Variants in BRF1 observed in about 807,000 individuals in gnomAD.
The protein encoded by BRF1 is BRF1 general transcription factor IIIB subunit.
BRF1 carries 59 observed loss-of-function variants against 81.7 expected under a neutral mutation model. That is an observed-to-expected ratio of 0.72 (90% CI 0.59 to 0.90). The LOEUF is 0.90. Ranked by LOEUF, BRF1 falls within the 40% of genes least tolerant of loss-of-function variation. BRF1 has a pLI of 0.00. For synonymous variants in BRF1, 491 were observed against 395.6 expected, an observed-to-expected ratio of 1.24 and a Z score of -2.86; for missense variants, 1,050 against 936.3, an observed-to-expected ratio of 1.12 and a Z score of -1.58.
At chr14:105,246,608 T>A (rs587732813) in intron 5 of BRF1, among the ~76,000 whole-genome samples, 17 of 152,064 alleles carry the variant, frequency 1.1e-4, no homozygotes, top group African/African-American at 3.9e-4. Context: ...TAGCTGGGAT[T>A]ACAGGTGCCC....
intron 12 of BRF1, 110 bp from the exon 13 acceptor site, chr14:105,219,342 C>A (rs587620036): frequency 6.5e-7 from 1 of 1,545,252 alleles, no homozygotes; most frequent in Non-Finnish European, 8.7e-7. Flanking sequence ...AAGGGGAACC[C>A]GGGGCAGCCT....
intron 3 of BRF1, among the ~76,000 whole-genome samples, chr14:105,256,821 G>A (rs587625436): frequency 6.6e-6 from 1 of 152,290 alleles, no homozygotes; most frequent in South Asian, 2.1e-4. Flanking sequence ...AGCCGGGTCG[G>A]GGGAACCAGA....
At chr14:105,217,940 C>G (rs587768855) in intron 14 of BRF1, 140 bp from the exon 15 acceptor site, 23 of 1,360,536 alleles carry the variant, frequency 1.7e-5, no homozygotes, top group South Asian at 1.6e-4. Context: ...CCTCCTCCCC[C>G]CAGAATGTGG....
At chr14:105,221,190 A>G (rs1299941821) in intron 11 of BRF1, among the ~76,000 whole-genome samples, 1 of 152,204 alleles carries the variant, frequency 6.6e-6, no homozygotes, top group Non-Finnish European at 1.5e-5. Flanking sequence ...GCTCCCAGCC[A>G]AATGGGCAAG....
intron 11 of BRF1, 82 bp downstream of exon 11, chr14:105,221,566 A>T (rs1892290194): frequency 1.3e-6 from 2 of 1,525,182 alleles, no homozygotes; most frequent in Non-Finnish European, 1.7e-6. Context: ...GGATGGCAGC[A>T]TCCGGCTCTC....
At chr14:105,251,743 C>T (rs587691306) in intron 5 of BRF1, among the ~76,000 whole-genome samples, 4 of 152,002 alleles carry the variant, frequency 2.6e-5, no homozygotes, top group South Asian at 4.2e-4. Flanking sequence ...GGCCTCTAAG[C>T]GGGCCATGGA....
chr14:105,283,576 T>C (rs2057199174), intron 2 of BRF1, among the ~76,000 whole-genome samples: 1 of 152,230 alleles, frequency 6.6e-6, no homozygotes, highest in Non-Finnish European at 1.5e-5. Context: ...GTTCCAATTT[T>C]CATTTCTTTC....
Position 105,300,720 on chromosome 14 carries a change from AGCCGCCCAG to A in BRF1, c.-100_-92del. ...CAGCCCGCGCCGCCCGCCCAGGCCC[AGCCGCCCAG>A]GCCTCGCCGCTCTCGCGAGGCCCCG... is the stretch of plus-strand genomic sequence containing the variant. On this transcript the variant is annotated 5_prime_UTR_variant, in exon 1 of 18. Transcript: ENST00000547530. 1 of 1,044,634 alleles carries A rather than the reference AGCCGCCCAG, an allele frequency of 9.6e-7. No homozygotes were observed. Among genetic ancestry groups the A allele is most frequent in the East Asian group, 3.6e-5 (1 of 28,076 alleles). 64.7% of individuals were successfully genotyped at this position (1,044,634 alleles called of 1,614,324 possible).
At chr14:105,241,629 C>G in intron 5 of BRF1, 1 of 627,310 alleles carries the variant, frequency 1.6e-6, no homozygotes, top group Non-Finnish European at 2.8e-6. Flanking sequence ...TGCTGCCAGC[C>G]AGCCTGCTGC....
chr14:105,286,514 A>T (rs1052281350), intron 1 of BRF1, 138 bp from the exon 2 acceptor site: 6 of 830,382 alleles, frequency 7.2e-6, no homozygotes, highest in Non-Finnish European at 1.2e-5. Context: ...GGCCCCCCGC[A>T]CCTCCGTCAC....
intron 1 of BRF1, among the ~76,000 whole-genome samples, chr14:105,310,562 T>C (rs1446188259): frequency 6.6e-6 from 1 of 150,986 alleles, no homozygotes; most frequent in African/African-American, 2.4e-5. Context: ...AAAAGAATGT[T>C]ACCCTAGTGA....
chr14:105,250,679 C>T (rs745557658), intron 5 of BRF1: 26 of 1,598,450 alleles, frequency 1.6e-5, no homozygotes, highest in Middle Eastern at 4.2e-4. Context: ...CTGAGGTGCC[C>T]GGGGAGGCTG....
At chr14:105,226,424 T>C in intron 8 of BRF1, 134 bp from the exon 9 acceptor site, 1 of 1,452,670 alleles carries the variant, frequency 6.9e-7, no homozygotes, top group Non-Finnish European at 9.5e-7. Context: ...GGTGGAGCTA[T>C]GGGCCTGTGT....
chr14:105,246,024 A>G (rs1477332693), intron 5 of BRF1, among the ~76,000 whole-genome samples: 2 of 152,232 alleles, frequency 1.3e-5, no homozygotes, highest in Admixed American at 6.5e-5. Flanking sequence ...TCTATCTCAT[A>G]AGGGGTTAAC....
rs587638485 is a variant in BRF1, at chr14:105,273,431, C to T, written c.266-537G>A. Among the ~76,000 whole-genome samples, 12 of 152,324 alleles carry T rather than the reference C, an allele frequency of 7.9e-5. No individual in the cohort carries two copies. The South Asian group carries it at 2.3e-3, about 29-fold the overall frequency. On this transcript the variant is annotated intron_variant, in intron 2 of 17. Transcript: ENST00000547530. ...CCGGCCTGAGAAAAAGCCAGGCTAG[C>T]GCCATCCCCTGCACCTGCCCAGAGG... is the stretch of plus-strand genomic sequence containing the variant.
chr14:105,211,049 C>G, intron 17 of BRF1, 73 bp downstream of exon 17: 1 of 1,564,048 alleles, frequency 6.4e-7, no homozygotes, highest in East Asian at 2.3e-5. Flanking sequence ...GGCCCAAGTT[C>G]AGGGATCATG....
chr14:105,219,631 G>T lies in BRF1; in HGVS notation c.1378-399C>A, dbSNP rs587682870. 624 of 404,850 alleles carry T rather than the reference G, an allele frequency of 1.5e-3. 1 individual carries two copies. The highest frequency in any genetic ancestry group is 8.3e-3 in the South Asian group (187 of 22,620). 25.1% of individuals were successfully genotyped at this position (404,850 alleles called of 1,614,324 possible). ...ACGTGGCCATGAAATCAGGGAAGAC[G>T]ACTTCCTGCCTGACAGAGGGCAAGT... On this transcript the variant is annotated intron_variant, in intron 12 of 17. Transcript: ENST00000547530.
At chr14:105,219,126 G>A (rs748259178) in intron 13 of BRF1, 25 bp downstream of exon 13, 1 of 1,613,080 alleles carries the variant, frequency 6.2e-7, no homozygotes, top group Non-Finnish European at 8.5e-7. Context: ...CGTCCTGCGT[G>A]TGAGTGTGGG....
intron 5 of BRF1, chr14:105,248,548 G>A (rs1392107812): frequency 8.0e-5 from 57 of 716,662 alleles, no homozygotes; most frequent in Non-Finnish European, 9.1e-5. Context: ...GTGACGCACC[G>A]GCGCCGCGGC....
Sources: gnomAD v4.1 joint callset for allele counts (sites outside exome capture counted in the v4.1 genomes callset) on GRCh38, gnomAD v4.1.1 for gene constraint, MANE v1.5 for transcripts, NCBI Gene and HGNC (gene_info 2026-07-23, HGNC 2026-07-21) for gene names.